The following IQCH variants were observed in gnomAD, a reference collection of about 807,000 sequenced individuals.
IQCH encodes IQ domain-containing protein H.
IQCH carries 98 observed loss-of-function variants against 117.0 expected under a neutral mutation model. The observed-to-expected ratio is 0.84, with a 90% CI of 0.71 to 0.99. IQCH has a LOEUF of 0.99. IQCH is among the 50% of genes least tolerant of loss of function. The pLI is 0.00. For missense variants in IQCH, 1,102 were observed against 1,243.8 expected, an observed-to-expected ratio of 0.89 and a Z score of 1.72; for synonymous variants, 412 against 448.2, an observed-to-expected ratio of 0.92 and a Z score of 1.02.
intron 4 of IQCH, among the ~76,000 whole-genome samples, chr15:67,293,956 G>C (rs1481681908): frequency 1.3e-5 from 2 of 152,162 alleles, no homozygotes; most frequent in African/African-American, 4.8e-5. Flanking sequence ...GAAAGTTATT[G>C]GAGGCTTTCA....
chr15:67,299,235 GAGAT>G (rs1366091204), intron 4 of IQCH, among the ~76,000 whole-genome samples: 1 of 152,062 alleles, frequency 6.6e-6, no homozygotes, highest in Non-Finnish European at 1.5e-5. Flanking sequence ...TGAATTCACT[GAGAT>G]AGAGAGTAGA....
At chr15:67,497,655 G>A (rs1405260880) in intron 20 of IQCH, among the ~76,000 whole-genome samples, 1 of 152,006 alleles carries the variant, frequency 6.6e-6, no homozygotes, top group South Asian at 2.1e-4. Context: ...CACCATGCCT[G>A]GCTAATTTTT....
intron 3 of IQCH, among the ~76,000 whole-genome samples, chr15:67,277,347 T>G (rs1462831620): frequency 6.6e-6 from 1 of 152,152 alleles, no homozygotes; most frequent in Non-Finnish European, 1.5e-5. Context: ...ACTGTTTTTT[T>G]TCTTGCCTTT....
At chr15:67,360,728 A>G (rs1215012244) in intron 8 of IQCH, among the ~76,000 whole-genome samples, 1 of 152,222 alleles carries the variant, frequency 6.6e-6, no homozygotes, top group Non-Finnish European at 1.5e-5. Flanking sequence ...GATCTTAGCC[A>G]TCTGCTTTCA....
chr15:67,291,652 C>T (rs6494643), intron 4 of IQCH, among the ~76,000 whole-genome samples: 1 of 151,982 alleles, frequency 6.6e-6, no homozygotes, highest in African/African-American at 2.4e-5. Context: ...GGTAAAAGAT[C>T]AAAAATGGAA....
At chr15:67,402,412 G>A (rs1971697911) in intron 14 of IQCH, among the ~76,000 whole-genome samples, 1 of 152,158 alleles carries the variant, frequency 6.6e-6, no homozygotes. Context: ...TCGGAGTGGA[G>A]GTGAGCTGCA....
At chr15:67,346,818 A>G (rs1265300719) in intron 6 of IQCH, among the ~76,000 whole-genome samples, 2 of 152,218 alleles carry the variant, frequency 1.3e-5, no homozygotes, top group African/African-American at 4.8e-5. Flanking sequence ...AACAAATATT[A>G]ACCAATTTAA....
In IQCH at chr15:67,436,135, G is replaced by C. The variant is rs529734758; in HGVS notation, c.2505+14558G>C. Among the ~76,000 whole-genome samples the C allele has an allele frequency of 6.6e-6, 1 of 152,084 alleles. No individual in the cohort carries two copies. The highest frequency in any genetic ancestry group is 1.5e-5 in the Non-Finnish European group (1 of 68,030). ...TTGATCATGTCCACAAGACTCTCCA[G>C]AACACACAAGCTTGATGGCTCCATA... On this transcript the variant is annotated intron_variant, in intron 16 of 20. Coordinates refer to ENST00000335894, the MANE Select transcript of IQCH (RefSeq NM_001031715.3). This position sits in a 1 kb window ranked among gnomAD's most constrained non-coding sequence, Gnocchi z 5.1.
At position 67,453,014 on chromosome 15, in the gene IQCH, C is replaced by T. The variant is rs993194018; in HGVS notation, c.2506-12113C>T. Among the ~76,000 whole-genome samples the T allele has an allele frequency of 1.6e-4, 24 of 152,186 alleles. No homozygotes were observed. The highest frequency in any genetic ancestry group is 2.2e-4 in the Non-Finnish European group (15 of 68,044). On this transcript the variant is annotated intron_variant, in intron 16 of 20. Transcript: ENST00000335894. The surrounding 1 kb of genome is among the most constrained non-coding windows in gnomAD (Gnocchi z 5.8). ...TGATACCCTTTCTTCCAGTTGATCACGTCGGCTAATAAGGCTTCTGCATTC... is the reference window on the plus strand; with the variant it reads ...TGATACCCTTTCTTCCAGTTGATCATGTCGGCTAATAAGGCTTCTGCATTC...
chr15:67,464,229 C>G (rs1018444084), intron 16 of IQCH, among the ~76,000 whole-genome samples: 3 of 152,112 alleles, frequency 2.0e-5, no homozygotes, highest in African/African-American at 7.2e-5. Flanking sequence ...AGGAGGATGC[C>G]AGGGATGCTT....
chr15:67,497,955 T>C (rs1030283217), intron 20 of IQCH, among the ~76,000 whole-genome samples: 9 of 152,224 alleles, frequency 5.9e-5, no homozygotes, highest in African/African-American at 1.7e-4. Flanking sequence ...ATAGATTCAA[T>C]GTAATTCTTA....
intron 20 of IQCH, among the ~76,000 whole-genome samples, chr15:67,498,443 C>G (rs1320410045): frequency 6.6e-6 from 1 of 151,556 alleles, no homozygotes; most frequent in African/African-American, 2.4e-5. Context: ...TGGTGAAAAC[C>G]CCGTCTTTAC....
chr15:67,430,682 G>T lies in IQCH; in HGVS notation c.2505+9105G>T, dbSNP rs2082000590. The stretch of plus-strand genomic sequence containing the variant: ...ACTTTTGGAACTTCTAGATGATCCA[G>T]ATCTTTTGTAGTTAATTACTCACTT... On this transcript the variant is annotated intron_variant, in intron 16 of 20. Transcript: ENST00000335894. The surrounding 1 kb of genome is among the most constrained non-coding windows in gnomAD (Gnocchi z 5.1). Among the ~76,000 whole-genome samples the T allele has an allele frequency of 6.6e-6, 1 of 152,042 alleles. No individual in the cohort carries two copies. Among genetic ancestry groups the T allele is most frequent in the Admixed American group, 6.6e-5 (1 of 15,258 alleles).
At chr15:67,276,495 T>C (rs1345120484) in intron 3 of IQCH, among the ~76,000 whole-genome samples, 1 of 152,204 alleles carries the variant, frequency 6.6e-6, no homozygotes, top group Non-Finnish European at 1.5e-5. Flanking sequence ...CTCCAAAGAA[T>C]TTCCTTTAAT....
chr15:67,458,925 G>A lies in IQCH; in HGVS notation c.2506-6202G>A, dbSNP rs1346611861. Among the ~76,000 whole-genome samples, 2 of 152,230 alleles carry A rather than the reference G, an allele frequency of 1.3e-5. No homozygotes were observed. The highest frequency in any genetic ancestry group is 4.8e-5 in the African/African-American group (2 of 41,466). Reference sequence around the variant, plus strand: ...TGAATTCTCAGTACTGCATGTCTCAGAGTTGGCTTATTTGGAGTGCCTGTC... The same window carrying A: ...TGAATTCTCAGTACTGCATGTCTCAAAGTTGGCTTATTTGGAGTGCCTGTC... On this transcript the variant is annotated intron_variant, in intron 16 of 20. Transcript: ENST00000335894. This position sits in a 1 kb window ranked among gnomAD's most constrained non-coding sequence, Gnocchi z 4.1.
At chr15:67,285,237 T>C (rs748278199) in intron 4 of IQCH, among the ~76,000 whole-genome samples, 6 of 152,226 alleles carry the variant, frequency 3.9e-5, no homozygotes, top group Admixed American at 6.5e-5. Context: ...CACATGATCA[T>C]TGGCCGCATG....
At chr15:67,371,693 A>G (rs1253847181) in intron 8 of IQCH, among the ~76,000 whole-genome samples, 1 of 152,250 alleles carries the variant, frequency 6.6e-6, no homozygotes, top group Non-Finnish European at 1.5e-5. Flanking sequence ...ATGCGAAGAA[A>G]GGCTTCGCCC....
At chr15:67,295,178 A>G (rs1966844810) in intron 4 of IQCH, among the ~76,000 whole-genome samples, 1 of 152,142 alleles carries the variant, frequency 6.6e-6, no homozygotes, top group South Asian at 2.1e-4. Flanking sequence ...CGCTGAAAAA[A>G]ATAAATGAAA....
chr15:67,302,524 A>G (rs1195498255), intron 4 of IQCH, among the ~76,000 whole-genome samples: 1 of 152,192 alleles, frequency 6.6e-6, no homozygotes, highest in Non-Finnish European at 1.5e-5. Flanking sequence ...CAGATTAAAT[A>G]AAGTGGACAG....
Sources: allele counts gnomAD v4.1 joint callset (sites outside exome capture counted in the v4.1 genomes callset), GRCh38; gene constraint gnomAD v4.1.1; non-coding constraint Gnocchi (gnomAD v3.1); transcripts MANE v1.5; gene names NCBI Gene and HGNC (gene_info 2026-07-23, HGNC 2026-07-21).